The following CDH13 variants were observed in gnomAD, a reference collection of about 807,000 sequenced individuals.
CDH13 encodes the protein cadherin-13.
CDH13 carries 24 observed loss-of-function variants against 63.8 expected under a neutral mutation model. The observed-to-expected ratio is 0.38, with a 90% CI of 0.27 to 0.53. CDH13 has a LOEUF of 0.53. Ranked by LOEUF, CDH13 falls within the 20% of genes least tolerant of loss-of-function variation. The pLI is 0.85. For synonymous variants in CDH13, 503 were observed against 355.3 expected (o/e 1.42, Z -4.67); for missense variants, 1,049 against 903.1 (o/e 1.16, Z -2.07).
At chr16:83,244,974 G>A (rs765272301) in intron 5 of CDH13, among the ~76,000 whole-genome samples, 3 of 152,052 alleles carry the variant, frequency 2.0e-5, no homozygotes, top group Admixed American at 6.6e-5. Context: ...GTTTAGGCAC[G>A]TTGAGCCACT....
At chr16:83,508,276 C>A (rs2074470705) in intron 7 of CDH13, 1 of 154,568 alleles carries the variant, frequency 6.5e-6, no homozygotes, top group African/African-American at 2.4e-5. Context: ...AACTCACTTA[C>A]TGGGGTTCTG....
intron 1 of CDH13, among the ~76,000 whole-genome samples, chr16:82,735,447 G>A (rs1302701740): frequency 6.6e-6 from 1 of 152,176 alleles, no homozygotes; most frequent in Non-Finnish European, 1.5e-5. Flanking sequence ...AAACAATACA[G>A]TTATTTATGC....
chr16:83,104,832 C>T (rs2151609306), intron 3 of CDH13, among the ~76,000 whole-genome samples: 1 of 152,204 alleles, frequency 6.6e-6, no homozygotes, highest in East Asian at 1.9e-4. Flanking sequence ...AAAAACAAGC[C>T]ATGTAGATAA....
At chr16:83,408,259 C>T (rs1234787148) in intron 6 of CDH13, among the ~76,000 whole-genome samples, 1 of 152,182 alleles carries the variant, frequency 6.6e-6, no homozygotes, top group Non-Finnish European at 1.5e-5. Context: ...AAACTGGGAA[C>T]ACTGCACACA....
At chr16:83,025,252 A>G (rs1184013031) in intron 2 of CDH13, among the ~76,000 whole-genome samples, 1 of 152,222 alleles carries the variant, frequency 6.6e-6, no homozygotes, top group Non-Finnish European at 1.5e-5. Flanking sequence ...ATGGATAAAG[A>G]TGTCGAGGAT....
At chr16:82,726,886 A>G (rs749828917) in intron 1 of CDH13, among the ~76,000 whole-genome samples, 16 of 152,220 alleles carry the variant, frequency 1.1e-4, no homozygotes, top group Non-Finnish European at 2.2e-4. Context: ...ACACTGAGGC[A>G]CAGAGCTGTA....
intron 8 of CDH13, among the ~76,000 whole-genome samples, chr16:83,648,327 G>A (rs1162607158): frequency 2.6e-5 from 4 of 152,276 alleles, no homozygotes; most frequent in African/African-American, 4.8e-5. Context: ...GGACTGTTTT[G>A]GAGACTTAAG....
chr16:82,761,858 A>T (rs778515340), intron 1 of CDH13, among the ~76,000 whole-genome samples: 1 of 152,224 alleles, frequency 6.6e-6, no homozygotes, highest in African/African-American at 2.4e-5. Context: ...ACACACAGAC[A>T]CATACACACA....
intron 1 of CDH13, among the ~76,000 whole-genome samples, chr16:82,803,280 GAATA>G (rs1173916164): frequency 6.6e-6 from 1 of 152,130 alleles, no homozygotes; most frequent in Non-Finnish European, 1.5e-5. Flanking sequence ...TCTCAATTTT[GAATA>G]ATTCTCCTTG....
At chr16:83,667,617 C>A (rs1305350418) in intron 8 of CDH13, among the ~76,000 whole-genome samples, 5 of 152,114 alleles carry the variant, frequency 3.3e-5, no homozygotes, top group East Asian at 3.9e-4. Flanking sequence ...ATAAAAAGAA[C>A]TTTTAGGGTA....
intron 4 of CDH13, chr16:83,180,964 C>T (rs1256295228): frequency 1.3e-6 from 2 of 1,531,778 alleles, no homozygotes; most frequent in East Asian, 2.4e-5. Flanking sequence ...ATTTAATGAA[C>T]ATCCTATTTG....
At chr16:83,776,218 T>C (rs1915102867) in intron 11 of CDH13, among the ~76,000 whole-genome samples, 1 of 152,246 alleles carries the variant, frequency 6.6e-6, no homozygotes. Context: ...GTATTTCAAA[T>C]GCTCATAACG....
At chr16:82,890,226 A>T (rs1384126460) in intron 2 of CDH13, among the ~76,000 whole-genome samples, 1 of 152,198 alleles carries the variant, frequency 6.6e-6, no homozygotes, top group African/African-American at 2.4e-5. Flanking sequence ...ATGACCTGAG[A>T]GCCTGTCCCA....
chr16:82,969,267 T>C (rs965175685), intron 2 of CDH13, among the ~76,000 whole-genome samples: 8 of 152,194 alleles, frequency 5.3e-5, no homozygotes, highest in Non-Finnish European at 1.0e-4. Flanking sequence ...ACTCTGCTAC[T>C]GTATATCTAA....
chr16:83,400,719 AT>A (rs2091955455), intron 6 of CDH13, among the ~76,000 whole-genome samples: 1 of 151,958 alleles, frequency 6.6e-6, no homozygotes, highest in African/African-American at 2.4e-5. Flanking sequence ...TAAATGCAAG[AT>A]GGTACATAGA....
At chr16:82,886,670 A>T (rs2040897412) in intron 2 of CDH13, among the ~76,000 whole-genome samples, 1 of 152,030 alleles carries the variant, frequency 6.6e-6, no homozygotes, top group African/African-American at 2.4e-5. Flanking sequence ...ATTTATGAAA[A>T]TTGGACACCG....
intron 3 of CDH13, among the ~76,000 whole-genome samples, chr16:83,121,845 C>G (rs1056623121): frequency 7.9e-5 from 12 of 152,186 alleles, no homozygotes; most frequent in African/African-American, 7.2e-5. Context: ...CACAAGGGTG[C>G]TATGAATTTA....
chr16:83,257,318 AT>A (rs1029113479), intron 5 of CDH13, among the ~76,000 whole-genome samples: 7 of 151,930 alleles, frequency 4.6e-5, no homozygotes, highest in African/African-American at 9.7e-5. Context: ...AATTCATCGT[AT>A]TTTTTTTCTT....
intron 6 of CDH13, among the ~76,000 whole-genome samples, chr16:83,418,336 A>G (rs1282194735): frequency 6.6e-6 from 1 of 152,226 alleles, no homozygotes; most frequent in South Asian, 2.1e-4. Context: ...ATAGCCATAA[A>G]ATAAATACAA....
Sources: allele counts gnomAD v4.1 joint callset (sites outside exome capture counted in the v4.1 genomes callset), GRCh38; gene constraint gnomAD v4.1.1; transcripts MANE v1.5; gene names NCBI Gene and HGNC (gene_info 2026-07-23, HGNC 2026-07-21).